The following ITGA1 variants were observed in gnomAD, a reference collection of about 807,000 sequenced individuals.
ITGA1 encodes integrin subunit alpha 1, also known as integrin alpha-1.
A neutral mutation model predicts 145.9 loss-of-function variants in ITGA1; 85 were observed. The ratio of observed to expected loss-of-function variants is 0.58; its 90% CI spans 0.49 to 0.70. The LOEUF (loss-of-function observed/expected upper bound fraction) is 0.70, where lower values mean the gene tolerates loss of function less well. Among genes scored for constraint, ITGA1 ranks in the 30% least tolerant of loss-of-function variants. The pLI, the probability that ITGA1 is intolerant of heterozygous loss-of-function variation, is 0.00. For missense variants in ITGA1, 1,351 were observed against 1,418.7 expected (o/e 0.95, Z 0.77); for synonymous variants, 520 against 495.3 (o/e 1.05, Z -0.66).
chr5:52,939,524 G>T (rs756507566), intron 24 of ITGA1, 66 bp from the exon 25 acceptor site: 14 of 1,039,312 alleles, frequency 1.3e-5, no homozygotes, highest in Non-Finnish European at 2.1e-5. Context: ...TTACACTACT[G>T]CAGCAAGTCA....
chr5:52,876,919 T>C (rs562569305), intron 6 of ITGA1, among the ~76,000 whole-genome samples: 34 of 152,188 alleles, frequency 2.2e-4, no homozygotes, highest in Admixed American at 2.1e-3. Context: ...TCTTACAAGA[T>C]TAGCTTAGTA....
chr5:52,819,584 C>G (rs899775409), intron 1 of ITGA1, among the ~76,000 whole-genome samples: 8 of 152,074 alleles, frequency 5.3e-5, no homozygotes, highest in African/African-American at 1.9e-4. Flanking sequence ...ATATTTTCTC[C>G]CATTCTGTAG....
At chr5:52,925,222 A>G in intron 18 of ITGA1, 56 bp from the exon 19 acceptor site, 1 of 1,329,660 alleles carries the variant, frequency 7.5e-7, no homozygotes, top group Non-Finnish European at 1.1e-6. Context: ...ATTGATGGGT[A>G]ATTTTCAACA....
intron 3 of ITGA1, among the ~76,000 whole-genome samples, chr5:52,861,906 G>A (rs1479444727): frequency 1.4e-5 from 2 of 147,620 alleles, no homozygotes; most frequent in African/African-American, 5.0e-5. Flanking sequence ...CTTAAATTAT[G>A]CCCAGTATTC....
At chr5:52,931,842 G>T in intron 21 of ITGA1, 1 of 426,118 alleles carries the variant, frequency 2.3e-6, no homozygotes. Context: ...AAGTCTAGTC[G>T]CACATCAGAA....
intron 8 of ITGA1, among the ~76,000 whole-genome samples, chr5:52,893,107 A>G (rs1199317143): frequency 6.6e-6 from 1 of 152,174 alleles, no homozygotes; most frequent in Admixed American, 6.5e-5. Context: ...CTTCATAAAA[A>G]AGAATGCCCC....
chr5:52,872,458 A>G (rs1749791803), intron 6 of ITGA1, among the ~76,000 whole-genome samples: 1 of 151,314 alleles, frequency 6.6e-6, no homozygotes, highest in Admixed American at 6.6e-5. Flanking sequence ...GAAACAAATA[A>G]CTCTTCTTGT....
chr5:52,913,899 T>G (rs559851311), intron 14 of ITGA1, among the ~76,000 whole-genome samples: 1 of 152,296 alleles, frequency 6.6e-6, no homozygotes, highest in East Asian at 1.9e-4. Context: ...TTGTTTCTGT[T>G]GAAAATCTTT....
At chr5:52,934,721 A>G (rs1168246668) in intron 23 of ITGA1, among the ~76,000 whole-genome samples, 1 of 151,982 alleles carries the variant, frequency 6.6e-6, no homozygotes, top group East Asian at 1.9e-4. Flanking sequence ...ATGGATTTAA[A>G]TATGTATTCA....
intron 19 of ITGA1, 70 bp from the exon 20 acceptor site, chr5:52,927,514 A>T: frequency 9.1e-7 from 1 of 1,093,510 alleles, no homozygotes; most frequent in Non-Finnish European, 1.4e-6. Context: ...ATCTGGGAAA[A>T]TTCTGAAAGA....
intron 23 of ITGA1, among the ~76,000 whole-genome samples, chr5:52,935,903 T>C (rs1750959852): frequency 6.6e-6 from 1 of 151,242 alleles, no homozygotes; most frequent in Non-Finnish European, 1.5e-5. Context: ...CCAATGTTTC[T>C]ACAAGGAACA....
chr5:52,918,832 T>G lies in ITGA1; in HGVS notation c.2089T>G (p.Cys697Gly). 6.2e-7 allele frequency: 1 copy of G among 1,612,984 alleles called. No individual in the cohort carries two copies. Among genetic ancestry groups the G allele is most frequent in the East Asian group, 2.2e-5 (1 of 44,856 alleles). The change falls in exon 16 of 29, where the codon TGC becomes GGC. Residue 697 changes from cysteine (C) to glycine (G), a missense_variant. Physicochemically the swap from Cys to Gly is radical, Grantham distance 159. Transcript: ENST00000282588. ...NCHMEGKETV[C>G]INATVCFDVK... ...CCATATGGAGGGAAAGGAAACAGTA[T>G]GCATAAATGCTACAGTGTGTTTTGA...
intron 8 of ITGA1, among the ~76,000 whole-genome samples, chr5:52,888,213 G>C (rs1186777815): frequency 1.3e-5 from 2 of 151,570 alleles, no homozygotes; most frequent in South Asian, 4.2e-4. Context: ...AGAAAATAAG[G>C]AAACATGAAA....
At chr5:52,915,365 A>C (rs1750627266) in intron 14 of ITGA1, 99 bp from the exon 15 acceptor site, 2 of 1,340,036 alleles carry the variant, frequency 1.5e-6, no homozygotes, top group Non-Finnish European at 2.1e-6. Flanking sequence ...AATTAACAAA[A>C]CTGATTATTT....
At chr5:52,825,645 C>T (rs1340565767) in intron 1 of ITGA1, among the ~76,000 whole-genome samples, 1 of 152,124 alleles carries the variant, frequency 6.6e-6, no homozygotes, top group Non-Finnish European at 1.5e-5. Flanking sequence ...ATAGGCAGGG[C>T]ACAGTGGCTC....
intron 2 of ITGA1, among the ~76,000 whole-genome samples, chr5:52,858,261 T>C (rs1749547382): frequency 6.6e-6 from 1 of 152,336 alleles, no homozygotes; most frequent in Middle Eastern, 3.4e-3. Flanking sequence ...CCAAAGTTCT[T>C]AAAGCTGACT....
At chr5:52,838,007 C>T (rs1749187471) in intron 1 of ITGA1, among the ~76,000 whole-genome samples, 2 of 152,238 alleles carry the variant, frequency 1.3e-5, no homozygotes, top group South Asian at 4.1e-4. Context: ...CTTTAATGCC[C>T]TTTAAAATAC....
At chr5:52,800,302 C>A (rs1312783170) in intron 1 of ITGA1, 34 of 1,429,506 alleles carry the variant, frequency 2.4e-5, no homozygotes, top group Non-Finnish European at 3.3e-5. Context: ...GGCCCCGCCC[C>A]CTTCCTGGCC....
In ITGA1 at chr5:52,788,434, C is replaced by T. The variant is rs557824873; in HGVS notation, c.61+20C>T. ...TCACTGGTGAGCGACTCGCTTTTCTCTGAGCATCTCCTGCTCGCGGGCTTG... is the reference window on the plus strand; with the variant it reads ...TCACTGGTGAGCGACTCGCTTTTCTTTGAGCATCTCCTGCTCGCGGGCTTG... On this transcript the variant is annotated intron_variant, in intron 1 of 28. Transcript: ENST00000282588. 2.0e-5 allele frequency: 30 copies of T among 1,498,598 alleles called. No homozygotes were observed. The African/African-American group carries it at 3.8e-4, about 19-fold the overall frequency. The allele number at this position is 1,498,598 out of a possible 1,614,324, so 92.8% of individuals were successfully genotyped here. A position where few individuals can be genotyped will look rare whatever the true frequency, so the allele number is the denominator to read the frequency against.
Sources: allele counts gnomAD v4.1 joint callset (sites outside exome capture counted in the v4.1 genomes callset), GRCh38; gene constraint gnomAD v4.1.1; transcripts MANE v1.5; gene names NCBI Gene and HGNC (gene_info 2026-07-23, HGNC 2026-07-21).